Variants in ARK2N observed in about 807,000 individuals in gnomAD.
ARK2N encodes protein ARK2N.
the ARK2N span, among the ~76,000 whole-genome samples, chr18:46,189,425 ACTT>A: frequency 6.6e-6 from 1 of 152,260 alleles, no homozygotes; most frequent in South Asian, 2.1e-4. Flanking sequence ...AGGAAAACTT[ACTT>A]TAAAGGAGTC....
At chr18:46,208,584 G>T in the ARK2N span, among the ~76,000 whole-genome samples, 1 of 147,876 alleles carries the variant, frequency 6.8e-6, no homozygotes, top group Non-Finnish European at 1.5e-5. Flanking sequence ...GTTCTCCTGC[G>T]TCAGCCCCCC....
chr18:46,202,417 G>A, the ARK2N span, among the ~76,000 whole-genome samples: 1 of 152,184 alleles, frequency 6.6e-6, no homozygotes, highest in Admixed American at 6.6e-5. Context: ...GTTAGCATGA[G>A]CTAGGCACTT....
At chr18:46,250,154 G>T in the ARK2N span, among the ~76,000 whole-genome samples, 1 of 152,158 alleles carries the variant, frequency 6.6e-6, no homozygotes, top group Non-Finnish European at 1.5e-5. Context: ...CTGAGCTTTA[G>T]AACAGTACCG....
At chr18:46,180,149 A>G in the ARK2N span, among the ~76,000 whole-genome samples, 1 of 152,296 alleles carries the variant, frequency 6.6e-6, no homozygotes, top group Admixed American at 6.5e-5. Context: ...GTTCTCTTTC[A>G]TGTCTGTTCA....
At chr18:46,223,751 G>C in the ARK2N span, among the ~76,000 whole-genome samples, 1 of 152,068 alleles carries the variant, frequency 6.6e-6, no homozygotes, top group South Asian at 2.1e-4. Context: ...ATTGGCTTTG[G>C]GGATACAACA....
At chr18:46,261,357 T>A in the ARK2N span, among the ~76,000 whole-genome samples, 3 of 152,348 alleles carry the variant, frequency 2.0e-5, no homozygotes, top group South Asian at 6.2e-4. Flanking sequence ...TAAGCCTCAG[T>A]TTCCCTCTCT....
chr18:46,218,086 T>C, the ARK2N span: 1 of 152,308 alleles, frequency 6.6e-6, no homozygotes, highest in Admixed American at 6.5e-5. Flanking sequence ...CCCCAATACT[T>C]TGCCTTTTTG....
chr18:46,181,414 A>T, the ARK2N span, among the ~76,000 whole-genome samples: 2 of 152,082 alleles, frequency 1.3e-5, no homozygotes, highest in Admixed American at 1.3e-4. Context: ...ATTCCTAAGA[A>T]TGTATATAAC....
chr18:46,208,464 CTTTT>C, the ARK2N span, among the ~76,000 whole-genome samples: 114 of 68,370 alleles, frequency 1.7e-3, no homozygotes, highest in African/African-American at 5.3e-3. Flanking sequence ...GTTCTTAAAT[CTTTT>C]TTTTTTTTTT....
At chr18:46,190,055 G>T in the ARK2N span, among the ~76,000 whole-genome samples, 1 of 152,000 alleles carries the variant, frequency 6.6e-6, no homozygotes, top group African/African-American at 2.4e-5. Flanking sequence ...AATATATTTT[G>T]GCCACTGACC....
At chr18:46,181,722 A>C in the ARK2N span, among the ~76,000 whole-genome samples, 1 of 152,176 alleles carries the variant, frequency 6.6e-6, no homozygotes, top group African/African-American at 2.4e-5. Context: ...CTCAAAAAAA[A>C]ACAAAAAACT....
chr18:46,188,858 C>T, the ARK2N span, among the ~76,000 whole-genome samples: 1 of 151,896 alleles, frequency 6.6e-6, no homozygotes, highest in Non-Finnish European at 1.5e-5. Context: ...GATCTGGAGC[C>T]TAATGAGGGC....
the ARK2N span, among the ~76,000 whole-genome samples, chr18:46,214,452 A>T: frequency 6.6e-6 from 1 of 152,248 alleles, no homozygotes; most frequent in Admixed American, 6.5e-5. Flanking sequence ...CTGCGACTTT[A>T]AATGGAACAA....
chr18:46,236,838 T>TTG, the ARK2N span, among the ~76,000 whole-genome samples: 2,544 of 150,188 alleles, frequency 0.017, 70 homozygotes, highest in African/African-American at 0.058. Flanking sequence ...CTGTTTTTTT[T>TTG]TTGTTGTTGT....
the ARK2N span, among the ~76,000 whole-genome samples, chr18:46,194,614 C>A: frequency 6.6e-6 from 1 of 151,096 alleles, no homozygotes; most frequent in East Asian, 2.0e-4. Context: ...GCTGGGACTA[C>A]AGGCGTGTGC....
the ARK2N span, among the ~76,000 whole-genome samples, chr18:46,249,528 G>A: frequency 6.6e-6 from 1 of 152,088 alleles, no homozygotes; most frequent in East Asian, 1.9e-4. Flanking sequence ...CACCACGCCC[G>A]GCCTTGCATT....
the ARK2N span, among the ~76,000 whole-genome samples, chr18:46,178,799 A>G: frequency 6.6e-6 from 1 of 151,300 alleles, no homozygotes; most frequent in African/African-American, 2.4e-5. Flanking sequence ...CTGTAGTCCC[A>G]GCTACTCAGG....
At chr18:46,203,832 C>G in the ARK2N span, among the ~76,000 whole-genome samples, 1 of 152,118 alleles carries the variant, frequency 6.6e-6, no homozygotes, top group Non-Finnish European at 1.5e-5. Context: ...AGTGATCTGC[C>G]TGCCTCGGCC....
At chr18:46,174,226 C>G in the ARK2N span, 3 of 152,360 alleles carry the variant, frequency 2.0e-5, no homozygotes, top group Admixed American at 6.5e-5. Context: ...CCGTCGCGTC[C>G]TGAGTCACCG....
Sources: allele counts gnomAD v4.1 joint callset (sites outside exome capture counted in the v4.1 genomes callset), GRCh38; gene constraint gnomAD v4.1.1; transcripts MANE v1.5; gene names NCBI Gene and HGNC (gene_info 2026-07-23, HGNC 2026-07-21).